Variants in MEFV observed in about 807,000 individuals in gnomAD.
MEFV encodes pyrin.
In MEFV, 60 loss-of-function variants were observed where a neutral mutation model predicts 62.5. The observed-to-expected ratio is 0.96, with a 90% confidence interval of 0.78 to 1.19. MEFV has a LOEUF of 1.19. MEFV is among the 50% of genes most tolerant of loss of function. The pLI is 0.00. For synonymous variants in MEFV, 500 were observed against 415.2 expected, an observed-to-expected ratio of 1.20 and a Z score of -2.48; for missense variants, 1,169 against 1,004.5, an observed-to-expected ratio of 1.16 and a Z score of -2.21.
intron 8 of MEFV, 132 bp downstream of exon 8, chr16:3,244,122 G>A: frequency 6.4e-7 from 1 of 1,557,902 alleles, no homozygotes; most frequent in Admixed American, 1.9e-5. Flanking sequence ...GGCCTGCCAT[G>A]ACCTTTCTCC....
At chr16:3,253,284 G>C (rs940541520) in intron 2 of MEFV, among the ~76,000 whole-genome samples, 6 of 152,066 alleles carry the variant, frequency 3.9e-5, no homozygotes, top group East Asian at 1.9e-4. Context: ...CCAGGGTTTT[G>C]TGTCCATGCG....
In MEFV at chr16:3,243,563, C is replaced by G. The variant is rs573886328; in HGVS notation, c.1924G>C (p.Val642Leu). ...GPQRFDSCII[V>L]LGSPSFLSGR... ...GAGAGGAAACTCGGAGAGCCCAGAACAATGATACAGCTGTCAAATCTTTGC... is the reference window on the plus strand; with the variant it reads ...GAGAGGAAACTCGGAGAGCCCAGAAGAATGATACAGCTGTCAAATCTTTGC... The change falls in exon 10 of 10, where the codon GTT (valine) becomes CTT (leucine). Residue 642 changes from valine to leucine, a missense_variant. By Grantham distance (32) the Val-to-Leu change is conservative (BLOSUM62 1). Coordinates refer to ENST00000219596, the MANE Select transcript of MEFV (RefSeq NM_000243.3). 2 of 1,611,718 alleles carry G rather than the reference C, an allele frequency of 1.2e-6. No homozygotes were observed. The highest frequency in any genetic ancestry group is 1.7e-5 in the Admixed American group (1 of 59,736).
intron 4 of MEFV, 60 bp downstream of exon 4, chr16:3,248,849 G>T (rs1958985279): frequency 9.3e-6 from 15 of 1,610,728 alleles, no homozygotes. Context: ...GGGGACCCCT[G>T]CTCACTCTTC....
At chr16:3,247,732 G>A (rs1021928088) in intron 4 of MEFV, 13 of 165,310 alleles carry the variant, frequency 7.9e-5, no homozygotes, top group Admixed American at 3.4e-4. Context: ...TCAGGAGTTC[G>A]AGACCAGCCT....
intron 2 of MEFV, among the ~76,000 whole-genome samples, chr16:3,253,088 T>C (rs1368054291): frequency 6.6e-6 from 1 of 151,944 alleles, no homozygotes; most frequent in Non-Finnish European, 1.5e-5. Flanking sequence ...TTTAGTCTCT[T>C]TACCTATAGG....
chr16:3,248,782 C>G lies in MEFV; in HGVS notation c.1356+127G>C, dbSNP rs975166515. The G allele has an allele frequency of 2.5e-6, 4 of 1,589,294 alleles. No individual in the cohort carries two copies. The South Asian group carries it at 3.3e-5, about 13-fold the overall frequency. ...CTTACCCTTGGCTGCTGGTTACCCT[C>G]TGTCCCCTGAGAGGAGGTGGCCATC... is the stretch of plus-strand genomic sequence containing the variant. On this transcript the variant is annotated intron_variant, in intron 4 of 9. Transcript: ENST00000219596.
At position 3,249,421 on chromosome 16, in the gene MEFV, G is replaced by T; in HGVS notation, c.1260+10C>A. 6.2e-7 allele frequency: 1 copy of T among 1,609,950 alleles called. No individual in the cohort carries two copies. Among genetic ancestry groups the T allele is most frequent in the East Asian group, 2.2e-5 (1 of 44,854 alleles). ...TGGCAGAGAAGAGCCCACAGGCAGG[G>T]AGTGCCTACCTTGTGTTCCAGGGCG... is the stretch of plus-strand genomic sequence containing the variant. On this transcript the variant is annotated intron_variant, in intron 3 of 9. Coordinates refer to ENST00000219596, the MANE Select transcript of MEFV (RefSeq NM_000243.3).
In MEFV at chr16:3,256,334, T is replaced by C; in HGVS notation, c.254A>G (p.Glu85Gly). Residue 85 changes from glutamate to glycine, a missense_variant, in exon 1 of 10, where the codon GAG becomes GGG. By Grantham distance (98) the Glu-to-Gly change is moderately conservative (BLOSUM62 -2). Coordinates refer to ENST00000219596, the MANE Select transcript of MEFV (RefSeq NM_000243.3). ...ACCCTGAATGGCTGCCCTGTGGAGC[T>C]CCTCGGCCAGCAGGCGCTGGTTGAT... The part of the protein sequence containing the change: ...RAINQRLLAE[E>G]LHRAAIQEYS... 6.2e-7 allele frequency: 1 copy of C among 1,613,884 alleles called. No homozygotes were observed. The highest frequency in any genetic ancestry group is 8.5e-7 in the Non-Finnish European group (1 of 1,179,988).
intron 5 of MEFV, 89 bp downstream of exon 5, chr16:3,246,927 G>C (rs1043098714): frequency 1.6e-6 from 2 of 1,290,134 alleles, no homozygotes; most frequent in African/African-American, 2.9e-5. Context: ...TCACCCACTT[G>C]TTCCAGCACG....
chr16:3,243,488 G>A lies in MEFV; in HGVS notation c.1999C>T (p.Leu667=). 2 of 1,614,108 alleles carry A rather than the reference G, an allele frequency of 1.2e-6. No homozygotes were observed. The highest frequency in any genetic ancestry group is 1.7e-6 in the Non-Finnish European group (2 of 1,180,032). ...VEVGDKTAWI[L]GACKTSISRK... ...CTTATGGATGTCTTGCAGGCTCCCA[G>A]GATCCATGCTGTCTTGTCTCCAACC... The change falls in exon 10 of 10, where the codon CTG becomes TTG. Residue 667 remains leucine, a synonymous_variant. Transcript: ENST00000219596.
At position 3,242,804 on chromosome 16, in the gene MEFV, A is replaced by G. The variant is rs948966037; in HGVS notation, c.*337T>C. On this transcript the variant is annotated 3_prime_UTR_variant, in exon 10 of 10. Coordinates refer to ENST00000219596, the MANE Select transcript of MEFV (RefSeq NM_000243.3). ...AAGCAGAGAGAACAAGGGGACATAT[A>G]TCCTTGCCGTGGGGTTCTGAGGGAA... is the stretch of plus-strand genomic sequence containing the variant. The G allele has an allele frequency of 1.7e-5, 7 of 400,446 alleles. No homozygotes were observed. Among genetic ancestry groups the G allele is most frequent in the African/African-American group, 1.4e-4 (7 of 48,654 alleles). The allele number at this position is 400,446 out of a possible 1,614,324, so 24.8% of individuals were successfully genotyped here.
intron 2 of MEFV, among the ~76,000 whole-genome samples, 157 bp downstream of exon 2, chr16:3,254,001 T>C (rs1191855728): frequency 6.6e-6 from 1 of 151,662 alleles, no homozygotes; most frequent in Non-Finnish European, 1.5e-5. Flanking sequence ...ATGGCGGGGG[T>C]CTCACTACAT....
At chr16:3,253,215 C>T (rs931634928) in intron 2 of MEFV, among the ~76,000 whole-genome samples, 3 of 152,022 alleles carry the variant, frequency 2.0e-5, no homozygotes, top group Admixed American at 1.3e-4. Context: ...CTTCCAGTTA[C>T]CTTAAGATCA....
At chr16:3,251,958 T>G in intron 2 of MEFV, 1 of 424,802 alleles carries the variant, frequency 2.4e-6, no homozygotes, top group Non-Finnish European at 4.8e-6. Flanking sequence ...GGTGCACACC[T>G]GTAATCCCAG....
chr16:3,247,790 C>A (rs964358663), intron 4 of MEFV: 5 of 160,086 alleles, frequency 3.1e-5, no homozygotes, highest in African/African-American at 1.2e-4. Flanking sequence ...AAAAATTAGC[C>A]AGGAGTGGTG....
chr16:3,251,871 G>C (rs1022564373), intron 2 of MEFV: 7 of 194,252 alleles, frequency 3.6e-5, no homozygotes, highest in African/African-American at 1.6e-4. Context: ...GTCTAAGCCT[G>C]CATCAGATTA....
In MEFV at chr16:3,256,523, T is replaced by C; in HGVS notation, c.65A>G (p.Glu22Gly). The change falls in exon 1 of 10, where the codon GAG (glutamate) becomes GGG (glycine). Residue 22 changes from glutamate to glycine, a missense_variant. Glu to Gly is a moderately conservative substitution (Grantham distance 98). Coordinates refer to ENST00000219596, the MANE Select transcript of MEFV (RefSeq NM_000243.3). ...TLEELVPYDFEKFKFKLQNTS... is the reference protein window; with the variant it reads ...TLEELVPYDFGKFKFKLQNTS... The stretch of plus-strand genomic sequence containing the variant: ...GTTCTGCAGCTTGAACTTGAACTTC[T>C]CGAAGTCATAGGGCACCAGCTCCTC... 6.2e-7 allele frequency: 1 copy of C among 1,614,168 alleles called. No individual in the cohort carries two copies. Among genetic ancestry groups the C allele is most frequent in the African/African-American group, 1.3e-5 (1 of 75,034 alleles).
At chr16:3,245,623 G>A (rs1958930568) in intron 6 of MEFV, among the ~76,000 whole-genome samples, 1 of 151,704 alleles carries the variant, frequency 6.6e-6, no homozygotes, top group Non-Finnish European at 1.5e-5. Context: ...GACAGAGCAA[G>A]ACGCTGTCTT....
chr16:3,255,051 G>T (rs966668831), intron 1 of MEFV, among the ~76,000 whole-genome samples: 1 of 152,160 alleles, frequency 6.6e-6, no homozygotes, highest in African/African-American at 2.4e-5. Flanking sequence ...GCGTGGTGGC[G>T]CATGCCTGTA....
Sources: allele counts gnomAD v4.1 joint callset (sites outside exome capture counted in the v4.1 genomes callset), GRCh38; gene constraint gnomAD v4.1.1; transcripts MANE v1.5; gene names NCBI Gene and HGNC (gene_info 2026-07-23, HGNC 2026-07-21).